Variants in LSAMP observed in about 807,000 individuals in gnomAD.
The protein encoded by LSAMP is limbic system associated membrane protein.
A neutral mutation model predicts 38.6 loss-of-function variants in LSAMP; 7 were observed. The ratio of observed to expected loss-of-function variants is 0.18; its 90% CI spans 0.10 to 0.34. The LOEUF is 0.34. LSAMP is among the 10% of genes least tolerant of loss of function. The probability of loss-of-function intolerance (pLI) is 1.00; values close to 1 mark genes in which losing one functional copy is unlikely to be tolerated. For missense variants in LSAMP, 313 were observed against 420.0 expected (o/e 0.75, Z 2.23); for synonymous variants, 154 against 166.8 (o/e 0.92, Z 0.59).
chr3:116,007,550 A>G (rs191793668), intron 3 of LSAMP, among the ~76,000 whole-genome samples: 11 of 152,296 alleles, frequency 7.2e-5, no homozygotes, highest in Admixed American at 7.2e-4. Context: ...TAGATAGAAA[A>G]AGACAAAGTG....
At chr3:116,295,552 T>C (rs2047320235) in intron 1 of LSAMP, among the ~76,000 whole-genome samples, 1 of 152,158 alleles carries the variant, frequency 6.6e-6, no homozygotes, top group South Asian at 2.1e-4. Flanking sequence ...ACAGAGGGAA[T>C]TGGAGGGAGA....
At chr3:115,829,202 T>C (rs192246801) in intron 6 of LSAMP, among the ~76,000 whole-genome samples, 7 of 151,798 alleles carry the variant, frequency 4.6e-5, no homozygotes, top group African/African-American at 1.7e-4. Flanking sequence ...AGTAAAGAGG[T>C]GGGGGAGATA....
chr3:115,883,461 A>G (rs2107437932), intron 3 of LSAMP, among the ~76,000 whole-genome samples: 1 of 152,220 alleles, frequency 6.6e-6, no homozygotes, highest in South Asian at 2.1e-4. Context: ...TTGAAACAGT[A>G]GTCCTAATGT....
At chr3:115,895,927 T>TTAA (rs35722291) in intron 3 of LSAMP, among the ~76,000 whole-genome samples, 30,287 of 151,956 alleles carry the variant, frequency 0.2, 3,411 homozygotes, top group African/African-American at 0.31. Context: ...AACACTGCTA[T>TTAA]TTATTTTTCC....
At chr3:116,359,287 T>C (rs899546519) in intron 1 of LSAMP, among the ~76,000 whole-genome samples, 1 of 152,236 alleles carries the variant, frequency 6.6e-6, no homozygotes, top group Non-Finnish European at 1.5e-5. Context: ...AATATAAGTT[T>C]TGTATGTGAT....
intron 3 of LSAMP, among the ~76,000 whole-genome samples, chr3:115,872,759 A>G (rs1936078922): frequency 6.6e-6 from 1 of 152,164 alleles, no homozygotes; most frequent in African/African-American, 2.4e-5. Context: ...ATCCCTGAAC[A>G]AATGAGGTAG....
chr3:115,886,995 G>A lies in LSAMP; in HGVS notation c.515-34378C>T, dbSNP rs116804807. Among the ~76,000 whole-genome samples the A allele has an allele frequency of 2.2e-3, 340 of 151,950 alleles. 1 individual carries two copies. The highest frequency in any genetic ancestry group is 6.7e-3 in the African/African-American group (277 of 41,498). ...TTAAAAACTATTCTCCCATGACGGAGACCTAATATGAAATGCTATGCCAGC... is the reference window on the plus strand; with the variant it reads ...TTAAAAACTATTCTCCCATGACGGAAACCTAATATGAAATGCTATGCCAGC... On this transcript the variant is annotated intron_variant, in intron 3 of 6. Transcript: ENST00000490035.
chr3:116,425,784 G>GA (rs532583559), intron 1 of LSAMP, among the ~76,000 whole-genome samples: 15 of 151,072 alleles, frequency 9.9e-5, no homozygotes, highest in East Asian at 7.8e-4. Flanking sequence ...CAATAAAGAT[G>GA]AAAAAATTAA....
chr3:116,038,758 A>T (rs1438762819), intron 2 of LSAMP, among the ~76,000 whole-genome samples: 1 of 152,198 alleles, frequency 6.6e-6, no homozygotes, highest in African/African-American at 2.4e-5. Flanking sequence ...AAGACCACGA[A>T]GGGCAACAGA....
chr3:115,975,710 T>C (rs1289585221), intron 3 of LSAMP, among the ~76,000 whole-genome samples: 1 of 152,154 alleles, frequency 6.6e-6, no homozygotes, highest in Non-Finnish European at 1.5e-5. Context: ...ACTGTTTTTT[T>C]CCCTGTATCT....
intron 1 of LSAMP, among the ~76,000 whole-genome samples, chr3:116,400,944 T>C (rs2048833165): frequency 6.6e-6 from 1 of 152,220 alleles, no homozygotes; most frequent in South Asian, 2.1e-4. Flanking sequence ...TACCACAGGA[T>C]GGATCTACTA....
chr3:116,409,682 T>G (rs1398060572), intron 1 of LSAMP, among the ~76,000 whole-genome samples: 1 of 152,030 alleles, frequency 6.6e-6, no homozygotes, highest in Non-Finnish European at 1.5e-5. Flanking sequence ...CACAACCGAA[T>G]ATGAGGTAAG....
At chr3:115,923,422 A>T (rs1358433875) in intron 3 of LSAMP, among the ~76,000 whole-genome samples, 1 of 152,184 alleles carries the variant, frequency 6.6e-6, no homozygotes, top group African/African-American at 2.4e-5. Flanking sequence ...TGGTGGTGCA[A>T]CTTCTTAACT....
intron 2 of LSAMP, among the ~76,000 whole-genome samples, chr3:116,028,522 C>G (rs1005364455): frequency 2.0e-5 from 3 of 152,132 alleles, no homozygotes; most frequent in African/African-American, 7.2e-5. Context: ...TATTTAAATG[C>G]TTTAGTTTCC....
chr3:116,359,189 T>C (rs2107776290), intron 1 of LSAMP, among the ~76,000 whole-genome samples: 1 of 152,338 alleles, frequency 6.6e-6, no homozygotes, highest in East Asian at 1.9e-4. Flanking sequence ...ATAAAATACA[T>C]TTGTACTATG....
chr3:116,394,726 G>A (rs2048745918), intron 1 of LSAMP, among the ~76,000 whole-genome samples: 1 of 152,070 alleles, frequency 6.6e-6, no homozygotes, highest in South Asian at 2.1e-4. Context: ...CCAACTCCTT[G>A]CCCCATTCCT....
chr3:116,083,372 T>A (rs536105282), intron 2 of LSAMP, among the ~76,000 whole-genome samples: 1 of 152,314 alleles, frequency 6.6e-6, no homozygotes, highest in South Asian at 2.1e-4. Context: ...TTACAATAAA[T>A]TTAGGAGGAC....
At chr3:116,211,693 T>G (rs2046158481) in intron 1 of LSAMP, among the ~76,000 whole-genome samples, 1 of 152,160 alleles carries the variant, frequency 6.6e-6, no homozygotes, top group Non-Finnish European at 1.5e-5. Context: ...TGTATGTGAG[T>G]GAACTCTTAT....
intron 1 of LSAMP, among the ~76,000 whole-genome samples, chr3:116,269,230 A>G (rs1470139018): frequency 6.6e-6 from 1 of 152,132 alleles, no homozygotes; most frequent in Non-Finnish European, 1.5e-5. Flanking sequence ...ATTTTTATGT[A>G]TAAGCCTTGT....
Sources: gnomAD v4.1 joint callset for allele counts (sites outside exome capture counted in the v4.1 genomes callset) on GRCh38, gnomAD v4.1.1 for gene constraint, MANE v1.5 for transcripts, NCBI Gene and HGNC (gene_info 2026-07-23, HGNC 2026-07-21) for gene names.